The following CPAMD8 variants were observed in gnomAD, a reference collection of about 807,000 sequenced individuals.
CPAMD8 encodes the protein C3 and PZP like alpha-2-macroglobulin domain containing 8.
In CPAMD8, 146 loss-of-function variants were observed where a neutral mutation model predicts 224.7. The observed-to-expected ratio is 0.65, with a 90% CI of 0.57 to 0.75. The LOEUF (loss-of-function observed/expected upper bound fraction) is 0.75. Among genes scored for constraint, CPAMD8 ranks in the 30% least tolerant of loss-of-function variants. CPAMD8 has a pLI of 0.00. For synonymous variants in CPAMD8, 966 were observed against 1,044.6 expected (o/e 0.92, Z 1.45); for missense variants, 2,301 against 2,537.5 (o/e 0.91, Z 2.00).
intron 17 of CPAMD8, among the ~76,000 whole-genome samples, chr19:16,972,255 C>G (rs1012722546): frequency 2.2e-4 from 34 of 152,008 alleles, no homozygotes; most frequent in African/African-American, 8.2e-4. Flanking sequence ...CCTCAAACTC[C>G]CAGGCTCAAG....
At chr19:17,017,241 G>A (rs914181578) in intron 3 of CPAMD8, among the ~76,000 whole-genome samples, 1 of 152,122 alleles carries the variant, frequency 6.6e-6, no homozygotes, top group Non-Finnish European at 1.5e-5. Flanking sequence ...ACCCCCAGGT[G>A]GGACCATCTA....
At chr19:16,916,927 C>T (rs2052983929) in intron 27 of CPAMD8, among the ~76,000 whole-genome samples, 1 of 152,096 alleles carries the variant, frequency 6.6e-6, no homozygotes, top group South Asian at 2.1e-4. Flanking sequence ...ATGCACACTG[C>T]AACCAGGGGG....
intron 22 of CPAMD8, among the ~76,000 whole-genome samples, chr19:16,945,323 A>T (rs1042903114): frequency 6.6e-6 from 1 of 152,152 alleles, no homozygotes; most frequent in South Asian, 2.1e-4. Context: ...AAGAGTCCCA[A>T]GCTGCTTTAC....
At chr19:16,919,279 A>G (rs2053080206) in intron 27 of CPAMD8, among the ~76,000 whole-genome samples, 1 of 152,182 alleles carries the variant, frequency 6.6e-6, no homozygotes, top group South Asian at 2.1e-4. Context: ...AAGTAACAAA[A>G]GGCGCTATGG....
intron 20 of CPAMD8, among the ~76,000 whole-genome samples, chr19:16,948,883 G>A (rs1319441088): frequency 0.036 from 1,658 of 45,952 alleles, 37 homozygotes; most frequent in African/African-American, 0.15. Flanking sequence ...GAAGGGAAGG[G>A]AAGGGAAGGG....
chr19:16,951,823 T>A, intron 20 of CPAMD8, 146 bp downstream of exon 20: 23 of 605,544 alleles, frequency 3.8e-5, no homozygotes, highest in Middle Eastern at 3.9e-4. Flanking sequence ...AGCCCACCCA[T>A]CCCTGCCTCC....
At chr19:16,986,016 TG>T (rs897432387) in intron 13 of CPAMD8, among the ~76,000 whole-genome samples, 43 of 152,046 alleles carry the variant, frequency 2.8e-4, no homozygotes, top group African/African-American at 1.0e-3. Flanking sequence ...CTTGAGATCT[TG>T]GGGGGAAAAG....
rs1204440013 is a variant in CPAMD8 at position 16,903,577 on chromosome 19, C to G, written c.4454G>C (p.Gly1485Ala). ...TGLFVSAKGD[G>A]CCLMQIDVTY... ...AAACCTCACCTGCATCAGGCAGCAG[C>G]CGTCCCCCTTGGCACTCACAAACAG... Residue 1485 changes from glycine to alanine, a missense_variant, in exon 34 of 42, where the codon GGC becomes GCC. Around this residue, in one of 4 missense-constraint regions of CPAMD8, gnomAD observed 1,709 missense variants for 1,753.2 expected, o/e 0.97. Coordinates refer to ENST00000443236, the MANE Select transcript of CPAMD8 (RefSeq NM_015692.5). 6.2e-7 allele frequency: 1 copy of G among 1,614,118 alleles called. No individual in the cohort carries two copies. Among genetic ancestry groups the G allele is most frequent in the Admixed American group, 1.7e-5 (1 of 60,012 alleles).
chr19:16,920,562 A>G (rs1414759166), intron 27 of CPAMD8, among the ~76,000 whole-genome samples: 1 of 151,642 alleles, frequency 6.6e-6, no homozygotes, highest in Non-Finnish European at 1.5e-5. Context: ...GTGTGTGCAC[A>G]CTGAGTGTCT....
intron 13 of CPAMD8, among the ~76,000 whole-genome samples, chr19:16,987,179 A>AAAAAATAT (rs1555784836): frequency 2.6e-4 from 14 of 53,916 alleles, no homozygotes; most frequent in African/African-American, 4.2e-4. Context: ...AAAAAAAAAA[A>AAAAAATAT]ATATATATAT....
At chr19:17,019,110 CTTTT>C (rs1171795046) in intron 3 of CPAMD8, among the ~76,000 whole-genome samples, 1 of 151,926 alleles carries the variant, frequency 6.6e-6, no homozygotes, top group Non-Finnish European at 1.5e-5. Context: ...GTTTTGTTTT[CTTTT>C]GTTATGTTTT....
chr19:16,946,007 G>A (rs574276220), intron 21 of CPAMD8, among the ~76,000 whole-genome samples: 1 of 152,220 alleles, frequency 6.6e-6, no homozygotes, highest in Admixed American at 6.5e-5. Flanking sequence ...GCATATGCAT[G>A]TGTGTATCTG....
At chr19:16,918,287 G>A (rs960708956) in intron 27 of CPAMD8, among the ~76,000 whole-genome samples, 4 of 152,254 alleles carry the variant, frequency 2.6e-5, no homozygotes, top group Admixed American at 6.5e-5. Context: ...GAGCCACAGC[G>A]CCCGGCCCCT....
chr19:16,967,649 T>A (rs2054873959), intron 18 of CPAMD8, among the ~76,000 whole-genome samples: 1 of 151,048 alleles, frequency 6.6e-6, no homozygotes, highest in Non-Finnish European at 1.5e-5. Flanking sequence ...TACTAAAAAA[T>A]ACAACAAAAA....
intron 10 of CPAMD8, among the ~76,000 whole-genome samples, chr19:16,999,370 G>A (rs2123007970): frequency 6.6e-6 from 1 of 152,064 alleles, no homozygotes; most frequent in African/African-American, 2.4e-5. Context: ...CACGACGTCA[G>A]GAGATCGAGA....
chr19:16,917,570 T>C (rs1568472974), intron 27 of CPAMD8, among the ~76,000 whole-genome samples: 1 of 152,116 alleles, frequency 6.6e-6, no homozygotes, highest in Admixed American at 6.6e-5. Context: ...CAACACCTGG[T>C]CTCTACTGAA....
rs752078158 is a variant in CPAMD8 at position 17,011,533 on chromosome 19, A to G, written c.434-17T>C. 11 of 1,613,964 alleles carry G rather than the reference A, an allele frequency of 6.8e-6. No homozygotes were observed. The highest frequency in any genetic ancestry group is 3.3e-5 in the Admixed American group (2 of 59,998). On this transcript the variant is annotated splice_polypyrimidine_tract_variant and intron_variant, in intron 4 of 41. Transcript: ENST00000443236. ...TTATGAGCACTAGAAGAAAGAAGAGAGGCGTGTGACACCTCCAGACCATGG... is the reference window on the plus strand; with the variant it reads ...TTATGAGCACTAGAAGAAAGAAGAGGGGCGTGTGACACCTCCAGACCATGG...
rs772666300 is a variant in CPAMD8, at chr19:16,928,167, T to A, written c.3212A>T (p.Glu1071Val). ...GGTGGAAAAGCCAATGAACTGGACC[T>A]CTGGTGGCCTCGGGAGGGTCCAGGC... ...IVAWTLPRPP[E>V]VQFIGFSTGW... The change falls in exon 25 of 42, where the codon GAG becomes GTG. Residue 1071 changes from glutamate (E) to valine (V), a missense_variant. Physicochemically the swap from Glu to Val is moderately radical, Grantham distance 121 (BLOSUM62 -2). This residue lies in a region of CPAMD8 where 1,709 missense variants were observed against 1,753.2 expected (regional missense o/e 0.97). Transcript: ENST00000443236. The A allele has an allele frequency of 6.2e-7, 1 of 1,614,164 alleles. No homozygotes were observed. Among genetic ancestry groups the A allele is most frequent in the Middle Eastern group, 1.6e-4 (1 of 6,062 alleles).
At chr19:16,974,205 C>T (rs1417610927) in intron 17 of CPAMD8, among the ~76,000 whole-genome samples, 1 of 151,904 alleles carries the variant, frequency 6.6e-6, no homozygotes, top group Non-Finnish European at 1.5e-5. Flanking sequence ...AATCTTGGCT[C>T]ACTGCAAGCT....
Sources: allele counts gnomAD v4.1 joint callset (sites outside exome capture counted in the v4.1 genomes callset), GRCh38; gene constraint gnomAD v4.1.1; regional missense constraint gnomAD v4.1.1; transcripts MANE v1.5; gene names NCBI Gene and HGNC (gene_info 2026-07-23, HGNC 2026-07-21).